Variants in CSMD2 observed in about 807,000 individuals in gnomAD.
The protein encoded by CSMD2 is CUB and Sushi multiple domains 2.
In CSMD2, 130 loss-of-function variants were observed where a neutral mutation model predicts 398.5. That is an observed-to-expected ratio of 0.33 (90% confidence interval 0.28 to 0.38). The LOEUF is 0.38. Ranked by LOEUF, CSMD2 falls within the 10% of genes least tolerant of loss-of-function variation. The pLI, the probability that CSMD2 is intolerant of heterozygous loss-of-function variation, is 1.00. For synonymous variants in CSMD2, 1,828 were observed against 1,908.5 expected (o/e 0.96, Z 1.10); for missense variants, 3,829 against 4,764.9 (o/e 0.80, Z 5.78).
intron 5 of CSMD2, among the ~76,000 whole-genome samples, chr1:33,865,519 C>G (rs1263000900): frequency 6.6e-6 from 1 of 151,998 alleles, no homozygotes; most frequent in South Asian, 2.1e-4. Flanking sequence ...GACTCCCTTT[C>G]GTGACCAAGG....
intron 28 of CSMD2, among the ~76,000 whole-genome samples, chr1:33,649,451 C>T (rs1270540657): frequency 1.3e-5 from 2 of 152,180 alleles, no homozygotes; most frequent in Non-Finnish European, 2.9e-5. Context: ...TGAGACCAGC[C>T]TGGCCAAAAT....
chr1:34,123,024 G>A (rs998079610), intron 1 of CSMD2, among the ~76,000 whole-genome samples: 4 of 152,180 alleles, frequency 2.6e-5, no homozygotes, highest in Admixed American at 6.5e-5. Flanking sequence ...AGCAGCCTGA[G>A]GTTAAGTGGT....
At chr1:33,634,694 G>A (rs1571025351) in intron 31 of CSMD2, among the ~76,000 whole-genome samples, 1 of 152,120 alleles carries the variant, frequency 6.6e-6, no homozygotes, top group Admixed American at 6.5e-5. Context: ...GTCTTCCCAG[G>A]GCACTGGTCT....
At chr1:34,054,725 G>A (rs1653624817) in intron 2 of CSMD2, among the ~76,000 whole-genome samples, 1 of 152,108 alleles carries the variant, frequency 6.6e-6, no homozygotes, top group Non-Finnish European at 1.5e-5. Flanking sequence ...GGGCGACAGA[G>A]CGAGACTCTG....
At chr1:33,688,984 GGT>G (rs903084390) in intron 25 of CSMD2, among the ~76,000 whole-genome samples, 3 of 151,576 alleles carry the variant, frequency 2.0e-5, no homozygotes, top group Non-Finnish European at 4.4e-5. Flanking sequence ...ATTCAAGACA[GGT>G]GTGTGTGTGT....
At chr1:33,650,046 C>A (rs1557675767) in intron 28 of CSMD2, among the ~76,000 whole-genome samples, 1 of 152,190 alleles carries the variant, frequency 6.6e-6, no homozygotes, top group Non-Finnish European at 1.5e-5. Context: ...GACATCTGCT[C>A]TTTTGAAAGT....
At chr1:33,842,887 G>T (rs531081909) in intron 6 of CSMD2, among the ~76,000 whole-genome samples, 1 of 152,142 alleles carries the variant, frequency 6.6e-6, no homozygotes, top group Non-Finnish European at 1.5e-5. Flanking sequence ...AAGTAGTTGT[G>T]GTTCATTAGA....
intron 5 of CSMD2, among the ~76,000 whole-genome samples, chr1:33,849,693 C>T (rs535082140): frequency 6.6e-6 from 1 of 151,634 alleles, no homozygotes; most frequent in South Asian, 2.1e-4. Flanking sequence ...TTTTGAGAGG[C>T]CAAGCGGGGA....
chr1:33,732,921 A>C (rs1033828835), intron 15 of CSMD2, among the ~76,000 whole-genome samples: 8 of 152,232 alleles, frequency 5.3e-5, no homozygotes, highest in Admixed American at 6.5e-5. Context: ...AGGCGGGCAC[A>C]GACATTAACC....
chr1:33,648,670 C>T (rs1298294802), intron 28 of CSMD2, among the ~76,000 whole-genome samples: 1 of 152,180 alleles, frequency 6.6e-6, no homozygotes, highest in Non-Finnish European at 1.5e-5. Flanking sequence ...AGAAAGTTAG[C>T]TAAAGCTTTA....
At chr1:33,939,565 A>G (rs1644597750) in intron 3 of CSMD2, among the ~76,000 whole-genome samples, 1 of 152,242 alleles carries the variant, frequency 6.6e-6, no homozygotes, top group African/African-American at 2.4e-5. Context: ...CAAATTTTTA[A>G]TGAACCTGCT....
chr1:33,521,664 C>T, intron 67 of CSMD2, 114 bp from the exon 68 acceptor site: 1 of 764,596 alleles, frequency 1.3e-6, no homozygotes, highest in African/African-American at 1.7e-5. Context: ...TGCTCTGACA[C>T]ACAGGGTTTG....
At chr1:33,747,591 G>C (rs115640191) in intron 13 of CSMD2, among the ~76,000 whole-genome samples, 1 of 152,152 alleles carries the variant, frequency 6.6e-6, no homozygotes, top group Admixed American at 6.6e-5. Context: ...GGAAGCATGG[G>C]GTAGGGGGGT....
At chr1:33,590,857 G>A (rs1400049063) in intron 44 of CSMD2, among the ~76,000 whole-genome samples, 1 of 152,096 alleles carries the variant, frequency 6.6e-6, no homozygotes, top group African/African-American at 2.4e-5. Context: ...CTTTATTAAT[G>A]TTAAGCAGCA....
intron 13 of CSMD2, among the ~76,000 whole-genome samples, chr1:33,744,079 T>C (rs1647182571): frequency 6.6e-6 from 1 of 152,188 alleles, no homozygotes; most frequent in Non-Finnish European, 1.5e-5. Flanking sequence ...ATTTACAGAT[T>C]GGATGTGTCT....
rs74069161 is a variant in CSMD2 at position 33,762,990 on chromosome 1, A to G, written c.1846+9579T>C. The stretch of plus-strand genomic sequence containing the variant: ...TGATGGGATACCAACATGGAGGTCA[A>G]CATCCCACGGACCCTGGGAGACTAC... On this transcript the variant is annotated intron_variant, in intron 13 of 70. Transcript: ENST00000373381. Among the ~76,000 whole-genome samples the G allele has an allele frequency of 7.9e-3, 1,200 of 152,312 alleles. 22 individuals are homozygous for G. Among genetic ancestry groups the G allele is most frequent in the African/African-American group, 0.027 (1,135 of 41,562 alleles).
At chr1:33,647,942 C>T (rs757010343) in intron 28 of CSMD2, among the ~76,000 whole-genome samples, 9 of 152,200 alleles carry the variant, frequency 5.9e-5, no homozygotes, top group Non-Finnish European at 8.8e-5. Flanking sequence ...ATAGCACTAA[C>T]GAAAGCCAAC....
At chr1:34,104,644 G>C (rs746805708) in intron 1 of CSMD2, among the ~76,000 whole-genome samples, 11 of 152,160 alleles carry the variant, frequency 7.2e-5, no homozygotes, top group African/African-American at 1.2e-4. Context: ...CATCACGCCC[G>C]CTGAAGGTGT....
chr1:34,017,594 A>G (rs1233913922), intron 3 of CSMD2, among the ~76,000 whole-genome samples: 1 of 152,190 alleles, frequency 6.6e-6, no homozygotes, highest in African/African-American at 2.4e-5. Flanking sequence ...CCATCTCTAC[A>G]GAAATTTAGC....
Sources: allele counts gnomAD v4.1 joint callset (sites outside exome capture counted in the v4.1 genomes callset), GRCh38; gene constraint gnomAD v4.1.1; transcripts MANE v1.5; gene names NCBI Gene and HGNC (gene_info 2026-07-23, HGNC 2026-07-21).